LIPC: variants seen among roughly 807,000 people sequenced by gnomAD.
LIPC encodes the protein hepatic triacylglycerol lipase.
Under a neutral mutation model 50.7 loss-of-function variants are expected in LIPC, and 44 were observed. The ratio of observed to expected loss-of-function variants is 0.87; its 90% CI spans 0.68 to 1.11. The LOEUF is 1.11. Among genes scored for constraint, LIPC ranks in the 50% most tolerant of loss-of-function variants. The pLI is 0.00. For missense variants in LIPC, 697 were observed against 648.2 expected (o/e 1.08, Z -0.82); for synonymous variants, 271 against 256.4 (o/e 1.06, Z -0.54).
At chr15:58,530,560 T>A (rs1321876830) in intron 1 of LIPC, among the ~76,000 whole-genome samples, 3 of 152,220 alleles carry the variant, frequency 2.0e-5, no homozygotes, top group African/African-American at 7.2e-5. Flanking sequence ...AGTGCAGTAT[T>A]CCAACAATCA....
intron 1 of LIPC, among the ~76,000 whole-genome samples, chr15:58,441,628 G>A (rs1472295243): frequency 6.6e-6 from 1 of 152,182 alleles, no homozygotes; most frequent in East Asian, 1.9e-4. Context: ...TTGGGCTTGT[G>A]CTGGTTGAGT....
At chr15:58,443,175 G>T (rs560489486) in intron 1 of LIPC, among the ~76,000 whole-genome samples, 3 of 152,162 alleles carry the variant, frequency 2.0e-5, no homozygotes, top group African/African-American at 7.2e-5. Flanking sequence ...GCCTCCCAAA[G>T]TGCTGGGATT....
At chr15:58,501,347 CTTTTTTTT>C (rs11453466) in intron 1 of LIPC, among the ~76,000 whole-genome samples, 1 of 134,854 alleles carries the variant, frequency 7.4e-6, no homozygotes, top group Non-Finnish European at 1.6e-5. Flanking sequence ...GCCTCTCATA[CTTTTTTTT>C]TTTTTTTTTA....
chr15:58,464,052 T>A (rs1381628185), intron 1 of LIPC, among the ~76,000 whole-genome samples: 6 of 152,096 alleles, frequency 3.9e-5, no homozygotes, highest in African/African-American at 1.4e-4. Flanking sequence ...TAACCCCACC[T>A]GAAAAATCCA....
In LIPC at chr15:58,529,947, G is replaced by T. The variant is rs369864958; in HGVS notation, c.89-8386G>T. On this transcript the variant is annotated intron_variant, in intron 1 of 8. Coordinates refer to ENST00000299022, the MANE Select transcript of LIPC (RefSeq NM_000236.3). The stretch of plus-strand genomic sequence containing the variant: ...AGCTATTTTCCAACACATCGTAAAA[G>T]ATATCGCACAGGACAACTGAATGTT... 7.9e-5 allele frequency among the ~76,000 whole-genome samples: 12 copies of T among 152,336 alleles called. No homozygotes were observed. In the East Asian group the frequency reaches 1.4e-3, roughly 17 times the overall value.
chr15:58,542,436 G>C (rs1893362635), intron 3 of LIPC, 98 bp from the exon 4 acceptor site: 1 of 808,036 alleles, frequency 1.2e-6, no homozygotes, highest in Non-Finnish European at 2.2e-6. Flanking sequence ...TTTCTGAGCA[G>C]GCACGAAGAA....
intron 1 of LIPC, among the ~76,000 whole-genome samples, chr15:58,526,872 G>A (rs1892813772): frequency 6.6e-6 from 1 of 152,212 alleles, no homozygotes; most frequent in East Asian, 1.9e-4. Flanking sequence ...AGGAAGTTGA[G>A]GCTCCTACTG....
intron 1 of LIPC, chr15:58,454,447 G>T (rs1209076226): frequency 3.9e-5 from 6 of 152,264 alleles, no homozygotes; most frequent in African/African-American, 1.4e-4. Flanking sequence ...GCAGAAAGCT[G>T]GGGTTTGGGG....
intron 8 of LIPC, chr15:58,566,397 A>C: frequency 1.0e-6 from 1 of 985,396 alleles, no homozygotes; most frequent in Non-Finnish European, 1.2e-6. Context: ...TGTAGCCTCA[A>C]ACAATAACTT....
intron 1 of LIPC, among the ~76,000 whole-genome samples, chr15:58,469,982 GAGTGCAGTGGTGCAATCATGCCTC>G (rs2140737399): frequency 6.8e-6 from 1 of 147,234 alleles, no homozygotes; most frequent in African/African-American, 2.5e-5. Context: ...ACCCAAACTG[GAGTGCAGTGGTGCAATCATGCCTC>G]ACTGCAGTCT....
chr15:58,525,528 G>A (rs2140882457), intron 1 of LIPC, among the ~76,000 whole-genome samples: 1 of 152,316 alleles, frequency 6.6e-6, no homozygotes, highest in Non-Finnish European at 1.5e-5. Context: ...ATCCAACCAG[G>A]GAAAGAGGCA....
At chr15:58,491,488 T>C (rs553738857) in intron 1 of LIPC, among the ~76,000 whole-genome samples, 1 of 152,138 alleles carries the variant, frequency 6.6e-6, no homozygotes, top group Non-Finnish European at 1.5e-5. Flanking sequence ...CTTAAAACAA[T>C]AAGAGGTGCT....
At chr15:58,540,412 G>A (rs1211124295) in intron 2 of LIPC, among the ~76,000 whole-genome samples, 1 of 152,192 alleles carries the variant, frequency 6.6e-6, no homozygotes, top group African/African-American at 2.4e-5. Flanking sequence ...TGGAAGGAGA[G>A]CATTATTAAC....
intron 1 of LIPC, among the ~76,000 whole-genome samples, chr15:58,516,433 C>G (rs1465491855): frequency 8.6e-5 from 13 of 151,962 alleles, no homozygotes; most frequent in Non-Finnish European, 1.5e-5. Flanking sequence ...TGTCCCCTTT[C>G]TTGTCTCCTT....
chr15:58,447,416 C>T (rs981540606), intron 1 of LIPC, among the ~76,000 whole-genome samples: 11 of 152,140 alleles, frequency 7.2e-5, no homozygotes, highest in Non-Finnish European at 1.2e-4. Flanking sequence ...AAAACACACA[C>T]GTATATGAGA....
At chr15:58,477,782 A>G (rs1891048597) in intron 1 of LIPC, among the ~76,000 whole-genome samples, 1 of 152,096 alleles carries the variant, frequency 6.6e-6, no homozygotes, top group South Asian at 2.1e-4. Context: ...TATAGGATAA[A>G]ATACTTGATC....
chr15:58,444,692 G>C (rs1422415165), intron 1 of LIPC, among the ~76,000 whole-genome samples: 1 of 152,132 alleles, frequency 6.6e-6, no homozygotes, highest in Non-Finnish European at 1.5e-5. Context: ...GCCCACCCCA[G>C]TGACCTTATT....
chr15:58,505,785 C>G (rs559263334), intron 1 of LIPC, among the ~76,000 whole-genome samples: 1 of 152,156 alleles, frequency 6.6e-6, no homozygotes, highest in Non-Finnish European at 1.5e-5. Context: ...AGTTCCCACC[C>G]GAGCCAACAT....
chr15:58,546,539 T>C (rs1484063837), intron 5 of LIPC, among the ~76,000 whole-genome samples: 1 of 152,322 alleles, frequency 6.6e-6, no homozygotes, highest in East Asian at 1.9e-4. Context: ...GAATGTGCTG[T>C]TATCTGGGTT....
Sources: allele counts gnomAD v4.1 joint callset (sites outside exome capture counted in the v4.1 genomes callset), GRCh38; gene constraint gnomAD v4.1.1; transcripts MANE v1.5; gene names NCBI Gene and HGNC (gene_info 2026-07-23, HGNC 2026-07-21).